Variants in ZNF100 observed in about 807,000 individuals in gnomAD.
The protein encoded by ZNF100 is zinc finger protein 100.
ZNF100 carries 12 observed loss-of-function variants against 15.8 expected under a neutral mutation model. The observed-to-expected ratio is 0.76, with a 90% confidence interval of 0.49 to 1.23. The LOEUF is 1.23. Among genes scored for constraint, ZNF100 ranks in the 50% most tolerant of loss-of-function variants. The pLI, the probability that ZNF100 is intolerant of heterozygous loss-of-function variation, is 0.00. For missense variants in ZNF100, 670 were observed against 635.6 expected (o/e 1.05, Z -0.58); for synonymous variants, 226 against 214.8 (o/e 1.05, Z -0.45).
chr19:21,727,935 G>T lies in ZNF100; in HGVS notation c.377C>A (p.Ser126Tyr), dbSNP rs775281937. The change falls in exon 5 of 5, where the codon TCT (serine) becomes TAT (tyrosine). Residue 126 changes from serine to tyrosine, a missense_variant. Transcript: ENST00000358296. ...TTTTTTCAGAATCGCTTCTTGAAAA[G>T]AATCTTTAATGTCCTGCTCTGCCCA... ...DLWAEQDIKD[S>Y]FQEAILKKYG... The T allele has an allele frequency of 3.8e-6, 6 of 1,585,792 alleles. No individual in the cohort carries two copies. The highest frequency in any genetic ancestry group is 5.1e-6 in the Non-Finnish European group (6 of 1,168,734).
At chr19:21,744,208 T>C in intron 3 of ZNF100, 93 bp from the exon 4 acceptor site, 15 of 1,145,090 alleles carry the variant, frequency 1.3e-5, no homozygotes, top group Non-Finnish European at 1.4e-5. Context: ...TAGAATATTC[T>C]AGAAAATTAA....
intron 4 of ZNF100, among the ~76,000 whole-genome samples, chr19:21,737,284 G>GGGA (rs1356080207): frequency 1.3e-5 from 2 of 152,014 alleles, no homozygotes. Context: ...CCAGCACTTT[G>GGGA]GGAGGGTGAA....
At position 21,727,786 on chromosome 19, in the gene ZNF100, T is replaced by A; in HGVS notation, c.526A>T (p.Ile176Leu). 6.2e-7 allele frequency: 1 copy of A among 1,613,842 alleles called. No homozygotes were observed. Among genetic ancestry groups the A allele is most frequent in the Non-Finnish European group, 8.5e-7 (1 of 1,179,860 alleles). ...NQCLITTQSN[I>L]FQCDPSAKVF... is the part of the protein sequence containing the mutation. ...TTTGCAGATGGATCACATTGAAATA[T>A]GTTGCTCTGGGTAGTTATCAAACAC... Residue 176 changes from isoleucine (I) to leucine (L), a missense_variant, in exon 5 of 5, where the codon ATA becomes TTA. Ile to Leu is a conservative substitution (Grantham distance 5, BLOSUM62 2). Transcript: ENST00000358296.
In ZNF100 at chr19:21,725,655, CATT is replaced by C. The variant is rs1248267987; in HGVS notation, c.*1025_*1027del. 4 of 152,070 alleles carry C rather than the reference CATT, an allele frequency of 2.6e-5. No homozygotes were observed. The highest frequency in any genetic ancestry group is 2.1e-4 in the South Asian group (1 of 4,828). 9.4% of individuals were successfully genotyped at this position (152,070 alleles called of 1,614,324 possible). A position where few individuals can be genotyped will look rare whatever the true frequency, so the allele number is the denominator to read the frequency against. On this transcript the variant is annotated 3_prime_UTR_variant, in exon 5 of 5. Coordinates refer to ENST00000358296, the MANE Select transcript of ZNF100 (RefSeq NM_173531.4). Reference sequence around the variant, plus strand: ...AGGAAATAATTTAAGAGTTGAATTACATTATTACTCACTTTTCAAAAAATCTAA... The same window carrying C: ...AGGAAATAATTTAAGAGTTGAATTACATTACTCACTTTTCAAAAAATCTAA...
Position 21,747,173 on chromosome 19 carries a change from C to T in ZNF100, c.97-2106G>A, listed in dbSNP as rs189219496. Among the ~76,000 whole-genome samples the T allele has an allele frequency of 1.9e-4, 29 of 152,282 alleles. No individual in the cohort carries two copies. In the South Asian group the frequency reaches 2.3e-3, roughly 12 times the overall value. ...CACACTGCCCTGTCCCTACCAAACC[C>T]AAACAGAACAGGTATCGTAACCACC... is the stretch of plus-strand genomic sequence containing the variant. On this transcript the variant is annotated intron_variant, in intron 2 of 4. Transcript: ENST00000358296.
rs576370179 is a variant in ZNF100 at position 21,723,997 on chromosome 19, T to C, written c.*2686A>G. 1 of 152,312 alleles carries C rather than the reference T, an allele frequency of 6.6e-6. No individual in the cohort carries two copies. The highest frequency in any genetic ancestry group is 2.1e-4 in the South Asian group (1 of 4,822). 9.4% of individuals were successfully genotyped at this position (152,312 alleles called of 1,614,324 possible). A position where few individuals can be genotyped will look rare whatever the true frequency, so the allele number is the denominator to read the frequency against. Reference sequence around the variant, plus strand: ...TAAAAATTTTGTATGCACTAAATTTTGTAAAAATTATTCTTATAATCACAG... The same window carrying C: ...TAAAAATTTTGTATGCACTAAATTTCGTAAAAATTATTCTTATAATCACAG... On this transcript the variant is annotated 3_prime_UTR_variant, in exon 5 of 5. Coordinates refer to ENST00000358296, the MANE Select transcript of ZNF100 (RefSeq NM_173531.4).
intron 2 of ZNF100, among the ~76,000 whole-genome samples, chr19:21,754,206 A>C (rs568793495): frequency 6.6e-6 from 1 of 151,804 alleles, no homozygotes; most frequent in South Asian, 2.1e-4. Context: ...ATGATAAATA[A>C]TGGTATAAAA....
intron 4 of ZNF100, among the ~76,000 whole-genome samples, chr19:21,731,549 C>A (rs1384313588): frequency 6.6e-6 from 1 of 152,046 alleles, no homozygotes; most frequent in Non-Finnish European, 1.5e-5. Context: ...CCTTGATATC[C>A]GCCTGCCTCA....
Position 21,744,836 on chromosome 19 carries a change from G to A in ZNF100, c.223+105C>T. Reference sequence around the variant, plus strand: ...GCCTCAAGATTTTCTTGAAAAAACGGATCAGAAACTCATTTATGCAAAGCA... The same window carrying A: ...GCCTCAAGATTTTCTTGAAAAAACGAATCAGAAACTCATTTATGCAAAGCA... On this transcript the variant is annotated intron_variant, in intron 3 of 4. Coordinates refer to ENST00000358296, the MANE Select transcript of ZNF100 (RefSeq NM_173531.4). 3 of 1,530,060 alleles carry A rather than the reference G, an allele frequency of 2.0e-6. No homozygotes were observed. The South Asian group carries it at 3.7e-5, about 19-fold the overall frequency. The allele number at this position is 1,530,060 out of a possible 1,614,324, so 94.8% of individuals were successfully genotyped here.
chr19:21,746,020 T>C (rs1258692795), intron 2 of ZNF100, among the ~76,000 whole-genome samples: 2 of 152,214 alleles, frequency 1.3e-5, no homozygotes, highest in Non-Finnish European at 2.9e-5. Context: ...CCAGATTAAA[T>C]GTGATGGCTT....
At position 21,727,487 on chromosome 19, in the gene ZNF100, G is replaced by A. The variant is rs751219443; in HGVS notation, c.825C>T (p.His275=). The A allele has an allele frequency of 3.1e-6, 5 of 1,613,462 alleles. No individual in the cohort carries two copies. The highest frequency in any genetic ancestry group is 4.2e-6 in the Non-Finnish European group (5 of 1,179,782). ...ECGKAFNRSS[H]LTTHKIIHTG... ...TATGAATTATCTTATGTGTAGTAAG[G>A]TGTGAGGACCGGTTAAATGCTTTCC... is the stretch of plus-strand genomic sequence containing the variant. Residue 275 remains histidine (H), a synonymous_variant, in exon 5 of 5, where the codon CAC becomes CAT. Coordinates refer to ENST00000358296, the MANE Select transcript of ZNF100 (RefSeq NM_173531.4).
At chr19:21,751,981 A>G in intron 2 of ZNF100, 1 of 382,812 alleles carries the variant, frequency 2.6e-6, no homozygotes, top group Admixed American at 4.2e-5. Flanking sequence ...GAGAAATACC[A>G]CCTTTCCTGC....
intron 2 of ZNF100, among the ~76,000 whole-genome samples, chr19:21,759,637 A>G (rs895524906): frequency 1.3e-5 from 2 of 152,162 alleles, no homozygotes; most frequent in Non-Finnish European, 2.9e-5. Flanking sequence ...GTTTGCAGTA[A>G]AGAAGTGGGA....
chr19:21,735,500 CAAAAA>C (rs35742501), intron 4 of ZNF100, among the ~76,000 whole-genome samples: 1 of 82,220 alleles, frequency 1.2e-5, no homozygotes. Context: ...GACTCTGTCT[CAAAAA>C]AAAAAAAAAA....
chr19:21,725,724 C>CA lies in ZNF100; in HGVS notation c.*958dup, dbSNP rs1367469797. 2 of 151,904 alleles carry CA rather than the reference C, an allele frequency of 1.3e-5. No individual in the cohort carries two copies. The highest frequency in any genetic ancestry group is 6.6e-5 in the Admixed American group (1 of 15,254). The allele number at this position is 151,904 out of a possible 1,614,324, so 9.4% of individuals were successfully genotyped here. On this transcript the variant is annotated 3_prime_UTR_variant, in exon 5 of 5. Transcript: ENST00000358296. ...AAGCATACTTTGAATGCAATAACTG[C>CA]AAAAAATTTCTACTTTTAAAGTTAT... is the stretch of plus-strand genomic sequence containing the variant.
chr19:21,747,069 A>G lies in ZNF100; in HGVS notation c.97-2002T>C, dbSNP rs2036224493. ...GCTGCTCCATGGATGTAAAAATGTA[A>G]GTTTCTCCTTTCCTGTCTCAGGTGC... On this transcript the variant is annotated intron_variant, in intron 2 of 4. Coordinates refer to ENST00000358296, the MANE Select transcript of ZNF100 (RefSeq NM_173531.4). 2.0e-5 allele frequency among the ~76,000 whole-genome samples: 3 copies of G among 152,214 alleles called. No individual in the cohort carries two copies. The South Asian group carries it at 6.2e-4, about 32-fold the overall frequency.
chr19:21,726,826 G>T lies in ZNF100; in HGVS notation c.1486C>A (p.Arg496=), dbSNP rs766899150. The T allele has an allele frequency of 1.2e-6, 2 of 1,613,652 alleles. No homozygotes were observed. Among genetic ancestry groups the T allele is most frequent in the Non-Finnish European group, 1.7e-6 (2 of 1,179,834 alleles). Residue 496 remains arginine, a synonymous_variant, in exon 5 of 5, where the codon CGA becomes AGA. Coordinates refer to ENST00000358296, the MANE Select transcript of ZNF100 (RefSeq NM_173531.4). ...KCEECGKAFN[R]SSTLTKHKIT... ...TTATGTTTAGTAAGGGTTGAGGATC[G>T]GTTAAAAGCTTTGCCACATTCCTCA...
At chr19:21,738,558 TAAGGA>T in intron 4 of ZNF100, among the ~76,000 whole-genome samples, 1 of 152,018 alleles carries the variant, frequency 6.6e-6, no homozygotes, top group South Asian at 2.1e-4. Flanking sequence ...AAACAAGCAA[TAAGGA>T]AAGAACTCCC....
At chr19:21,763,581 T>C (rs114301054) in intron 2 of ZNF100, among the ~76,000 whole-genome samples, 3,448 of 151,336 alleles carry the variant, frequency 0.023, 135 homozygotes, top group African/African-American at 0.08. Context: ...AGAGTAAGAC[T>C]CCATCCCGGG....
Sources: allele counts gnomAD v4.1 joint callset (sites outside exome capture counted in the v4.1 genomes callset), GRCh38; gene constraint gnomAD v4.1.1; transcripts MANE v1.5; gene names NCBI Gene and HGNC (gene_info 2026-07-23, HGNC 2026-07-21).